The following CACNA2D2 variants were observed in gnomAD, a reference collection of about 807,000 sequenced individuals.
The protein encoded by CACNA2D2 is calcium voltage-gated channel auxiliary subunit alpha2delta 2, also known as voltage-dependent calcium channel subunit alpha-2/delta-2.
In CACNA2D2, 48 loss-of-function variants were observed where a neutral mutation model predicts 166.4. The observed-to-expected ratio is 0.29, with a 90% CI of 0.23 to 0.37. CACNA2D2 has a LOEUF of 0.37. Ranked by LOEUF, CACNA2D2 falls within the 10% of genes least tolerant of loss-of-function variation. The pLI, the probability that CACNA2D2 is intolerant of heterozygous loss-of-function variation, is 1.00. For missense variants in CACNA2D2, 1,122 were observed against 1,433.0 expected (o/e 0.78, Z 3.50); for synonymous variants, 561 against 573.7 (o/e 0.98, Z 0.32).
chr3:50,395,124 A>G (rs1368793986), intron 3 of CACNA2D2, among the ~76,000 whole-genome samples: 4 of 152,186 alleles, frequency 2.6e-5, no homozygotes, highest in African/African-American at 7.2e-5. Flanking sequence ...CAGAGCTGAG[A>G]GCAGTGATGT....
At chr3:50,424,944 C>T (rs1016741239) in intron 3 of CACNA2D2, among the ~76,000 whole-genome samples, 3 of 152,114 alleles carry the variant, frequency 2.0e-5, no homozygotes, top group African/African-American at 7.2e-5. Context: ...GGGTCTGTGG[C>T]ACTGGCCTTC....
At chr3:50,429,474 C>T (rs1182086936) in intron 3 of CACNA2D2, among the ~76,000 whole-genome samples, 4 of 151,484 alleles carry the variant, frequency 2.6e-5, no homozygotes, top group South Asian at 2.1e-4. Flanking sequence ...GAACTCTGGC[C>T]GGGCGCGGTG....
At chr3:50,382,197 G>C (rs1056979238) in intron 6 of CACNA2D2, among the ~76,000 whole-genome samples, 2 of 152,052 alleles carry the variant, frequency 1.3e-5, no homozygotes. Flanking sequence ...AGGACAAAAC[G>C]GCAGGAGTGG....
In CACNA2D2 at chr3:50,378,091, G is replaced by C; in HGVS notation, c.1396C>G (p.Leu466Val). The C allele has an allele frequency of 6.2e-7, 1 of 1,613,452 alleles. No individual in the cohort carries two copies. The highest frequency in any genetic ancestry group is 1.3e-5 in the African/African-American group (1 of 75,066). Residue 466 changes from leucine (L) to valine (V), a missense_variant, in exon 15 of 38, where the codon CTA becomes GTA. Around this residue, in one of 2 missense-constraint regions of CACNA2D2, gnomAD observed 840 missense variants for 1,166.8 expected, o/e 0.72. Coordinates refer to ENST00000424201, the MANE Select transcript of CACNA2D2 (RefSeq NM_006030.4). ...GAIRINTQEY[L>V]DVLGRPMVLA... The stretch of plus-strand genomic sequence containing the variant: ...ACCATGGGCCTGCCCAACACATCTA[G>C]ATATTCCTGGGGAGGGGGCAGTGGT...
At chr3:50,449,981 C>T (rs1264581671) in intron 2 of CACNA2D2, among the ~76,000 whole-genome samples, 1 of 152,114 alleles carries the variant, frequency 6.6e-6, no homozygotes, top group Non-Finnish European at 1.5e-5. Flanking sequence ...GGTGAGGCTC[C>T]ATGTGAGGAG....
intron 2 of CACNA2D2, among the ~76,000 whole-genome samples, chr3:50,437,518 C>T (rs1708406183): frequency 6.6e-6 from 1 of 152,176 alleles, no homozygotes; most frequent in Non-Finnish European, 1.5e-5. Flanking sequence ...AATGATAGCC[C>T]CTAGTGCCAC....
At chr3:50,438,849 T>G (rs1708466009) in intron 2 of CACNA2D2, among the ~76,000 whole-genome samples, 3 of 150,186 alleles carry the variant, frequency 2.0e-5, no homozygotes, top group Non-Finnish European at 3.0e-5. Context: ...GAAAGGAGAG[T>G]GGGGAAAAGC....
At chr3:50,381,847 C>G (rs919723522) in intron 6 of CACNA2D2, among the ~76,000 whole-genome samples, 1 of 152,094 alleles carries the variant, frequency 6.6e-6, no homozygotes, top group South Asian at 2.1e-4. Flanking sequence ...CACGTTCATG[C>G]CTACACACCA....
At position 50,380,616 on chromosome 3, in the gene CACNA2D2, T is replaced by C. The variant is rs1379779087; in HGVS notation, c.842+132A>G. 2 of 713,834 alleles carry C rather than the reference T, an allele frequency of 2.8e-6. No individual in the cohort carries two copies. Among genetic ancestry groups the C allele is most frequent in the South Asian group, 2.3e-5 (1 of 44,386 alleles). 44.2% of individuals were successfully genotyped at this position (713,834 alleles called of 1,614,324 possible). On this transcript the variant is annotated intron_variant, in intron 8 of 37. Coordinates refer to ENST00000424201, the MANE Select transcript of CACNA2D2 (RefSeq NM_006030.4). This position sits in a 1 kb window ranked among gnomAD's most constrained non-coding sequence, Gnocchi z 4.9. ...GGGATCCATTTTCCAGTGGCAACCA[T>C]GTGTGAAATGAAAATTGGATACAGC...
intron 13 of CACNA2D2, 54 bp from the exon 14 acceptor site, chr3:50,378,387 T>TGC (rs1705105212): frequency 6.6e-7 from 1 of 1,517,662 alleles, no homozygotes; most frequent in Non-Finnish European, 9.0e-7. Context: ...AGGATCCATG[T>TGC]GCAGAGGGCC....
rs1703994714 is a variant in CACNA2D2, at chr3:50,362,642, T to A, written c.*2024A>T. On this transcript the variant is annotated 3_prime_UTR_variant, in exon 38 of 38. Transcript: ENST00000424201. Reference sequence around the variant, plus strand: ...TCAAGGGCCTGGCACCTATTATAACTGGTGGAAGCAAGTGCCATGCCCTGT... The same window carrying A: ...TCAAGGGCCTGGCACCTATTATAACAGGTGGAAGCAAGTGCCATGCCCTGT... Among the ~76,000 whole-genome samples the A allele has an allele frequency of 6.6e-6, 1 of 152,008 alleles. No individual in the cohort carries two copies. Among genetic ancestry groups the A allele is most frequent in the Non-Finnish European group, 1.5e-5 (1 of 68,018 alleles).
At chr3:50,466,231 G>A (rs1325551087) in intron 2 of CACNA2D2, among the ~76,000 whole-genome samples, 4 of 152,108 alleles carry the variant, frequency 2.6e-5, no homozygotes, top group Non-Finnish European at 5.9e-5. Flanking sequence ...AGAGTGACTG[G>A]GGGGATGCTC....
chr3:50,470,230 TA>T (rs1165669956), intron 2 of CACNA2D2, among the ~76,000 whole-genome samples: 1 of 152,164 alleles, frequency 6.6e-6, no homozygotes, highest in Non-Finnish European at 1.5e-5. Flanking sequence ...TCTGATACAA[TA>T]CCCTCATTCC....
intron 3 of CACNA2D2, among the ~76,000 whole-genome samples, chr3:50,411,516 G>C (rs17606896): frequency 0.029 from 4,369 of 152,316 alleles, 98 homozygotes; most frequent in Non-Finnish European, 0.038. Context: ...TTGTGCGCCA[G>C]CTCCCAACCG....
intron 3 of CACNA2D2, among the ~76,000 whole-genome samples, chr3:50,431,359 CG>C (rs1708053393): frequency 2.6e-5 from 4 of 152,140 alleles, no homozygotes; most frequent in Admixed American, 2.6e-4. Context: ...AGAAGCATCT[CG>C]TGTGTCTACA....
At chr3:50,400,055 T>C (rs1036436482) in intron 3 of CACNA2D2, among the ~76,000 whole-genome samples, 9 of 152,236 alleles carry the variant, frequency 5.9e-5, no homozygotes, top group African/African-American at 1.9e-4. Flanking sequence ...ATTAGCTGTG[T>C]ATTGTGCACA....
At chr3:50,460,288 G>A (rs1367120058) in intron 2 of CACNA2D2, among the ~76,000 whole-genome samples, 1 of 152,124 alleles carries the variant, frequency 6.6e-6, no homozygotes, top group African/African-American at 2.4e-5. Flanking sequence ...TTACAATACT[G>A]TGCCAATGTT....
rs2106865481 is a variant in CACNA2D2, at chr3:50,427,759, G to A, written c.405+6554C>T. ...GCCACAACCCAGAGCCACAGCGCTG[G>A]CAACTGTTCTACAAATGTTCACCAG... On this transcript the variant is annotated intron_variant, in intron 3 of 37. Coordinates refer to ENST00000424201, the MANE Select transcript of CACNA2D2 (RefSeq NM_006030.4). This position sits in a 1 kb window ranked among gnomAD's most constrained non-coding sequence, Gnocchi z 4.7. Among the ~76,000 whole-genome samples the A allele has an allele frequency of 1.3e-5, 2 of 152,338 alleles. No homozygotes were observed. Among genetic ancestry groups the A allele is most frequent in the East Asian group, 3.9e-4 (2 of 5,176 alleles).
At chr3:50,402,102 T>C (rs1706478283) in intron 3 of CACNA2D2, among the ~76,000 whole-genome samples, 1 of 152,210 alleles carries the variant, frequency 6.6e-6, no homozygotes, top group Admixed American at 6.5e-5. Context: ...TCACAGGTGG[T>C]AACAAGTATT....
Sources: gnomAD v4.1 joint callset for allele counts (sites outside exome capture counted in the v4.1 genomes callset) on GRCh38, gnomAD v4.1.1 for gene constraint, gnomAD v4.1.1 regional missense constraint, Gnocchi (gnomAD v3.1) non-coding constraint, MANE v1.5 for transcripts, NCBI Gene and HGNC (gene_info 2026-07-23, HGNC 2026-07-21) for gene names.